The following TENM3 variants were observed in gnomAD, a reference collection of about 807,000 sequenced individuals.
The protein encoded by TENM3 is teneurin-3.
In TENM3, 63 loss-of-function variants were observed where a neutral mutation model predicts 255.1. The observed-to-expected ratio is 0.25, with a 90% CI of 0.20 to 0.30. The LOEUF is 0.30. Among genes scored for constraint, TENM3 ranks in the 10% least tolerant of loss-of-function variants. The pLI, the probability that TENM3 is intolerant of heterozygous loss-of-function variation, is 1.00. For synonymous variants in TENM3, 1,306 were observed against 1,322.3 expected (o/e 0.99, Z 0.27); for missense variants, 2,929 against 3,461.1 (o/e 0.85, Z 3.86).
At chr4:182,151,879 G>A (rs1024646215) in intron 1 of TENM3, among the ~76,000 whole-genome samples, 1 of 151,938 alleles carries the variant, frequency 6.6e-6, no homozygotes, top group African/African-American at 2.4e-5. Context: ...TTATAGATAT[G>A]TGATGAACTA....
the TENM3 span, among the ~76,000 whole-genome samples, chr4:181,932,311 C>A: frequency 6.6e-6 from 1 of 152,176 alleles, no homozygotes; most frequent in South Asian, 2.1e-4. Flanking sequence ...GAAACTTAAA[C>A]AATTTTACAA....
intron 2 of TENM3, among the ~76,000 whole-genome samples, chr4:182,326,268 G>A (rs1218382411): frequency 2.0e-5 from 3 of 152,178 alleles, no homozygotes; most frequent in Non-Finnish European, 4.4e-5. Flanking sequence ...ACTGCGTGCT[G>A]GTCAGTGCGC....
At chr4:181,689,882 T>A in the TENM3 span, among the ~76,000 whole-genome samples, 1 of 152,112 alleles carries the variant, frequency 6.6e-6, no homozygotes, top group Non-Finnish European at 1.5e-5. Flanking sequence ...GTTGACTGCT[T>A]ACATGGACAA....
At chr4:182,607,610 T>C (rs577369129) in intron 4 of TENM3, among the ~76,000 whole-genome samples, 1 of 152,294 alleles carries the variant, frequency 6.6e-6, no homozygotes, top group African/African-American at 2.4e-5. Context: ...ATTGAACGCT[T>C]TAGAGTCTTT....
intron 3 of TENM3, among the ~76,000 whole-genome samples, chr4:182,509,712 C>T (rs892612267): frequency 3.3e-5 from 5 of 152,072 alleles, no homozygotes; most frequent in African/African-American, 4.8e-5. Context: ...CCAAGACAGG[C>T]GGATCACCTG....
At chr4:182,017,740 T>C in the TENM3 span, among the ~76,000 whole-genome samples, 3 of 152,224 alleles carry the variant, frequency 2.0e-5, no homozygotes, top group Admixed American at 6.5e-5. Context: ...GATAAAATCC[T>C]ATAAATTGTC....
chr4:181,965,280 A>G, the TENM3 span, among the ~76,000 whole-genome samples: 1 of 152,204 alleles, frequency 6.6e-6, no homozygotes, highest in African/African-American at 2.4e-5. Context: ...TCTCCCTATG[A>G]AAAGAAAGCC....
chr4:181,526,380 C>T, the TENM3 span, among the ~76,000 whole-genome samples: 2 of 152,040 alleles, frequency 1.3e-5, no homozygotes, highest in Non-Finnish European at 2.9e-5. Flanking sequence ...ATTTGACAAG[C>T]AAAGCAGTGT....
At chr4:182,133,452 C>A in the TENM3 span, among the ~76,000 whole-genome samples, 1 of 152,112 alleles carries the variant, frequency 6.6e-6, no homozygotes, top group Non-Finnish European at 1.5e-5. Flanking sequence ...TTCCATTTCA[C>A]AAGAGCATTC....
At chr4:181,613,502 C>T in the TENM3 span, among the ~76,000 whole-genome samples, 2 of 152,152 alleles carry the variant, frequency 1.3e-5, no homozygotes, top group Non-Finnish European at 2.9e-5. Flanking sequence ...CCTCAGCTCT[C>T]CTAACGCAGA....
chr4:182,259,130 CAG>C (rs1758622738), intron 1 of TENM3, among the ~76,000 whole-genome samples: 1 of 152,154 alleles, frequency 6.6e-6, no homozygotes, highest in East Asian at 1.9e-4. Context: ...AGGTAGGTAA[CAG>C]AGTGGAGAGC....
At chr4:181,458,040 A>C in the TENM3 span, among the ~76,000 whole-genome samples, 1 of 151,930 alleles carries the variant, frequency 6.6e-6, no homozygotes, top group Non-Finnish European at 1.5e-5. Flanking sequence ...TAAAAGAACT[A>C]GTGGAGTTCA....
the TENM3 span, among the ~76,000 whole-genome samples, chr4:181,557,935 T>G: frequency 1.3e-5 from 2 of 152,240 alleles, no homozygotes; most frequent in African/African-American, 4.8e-5. Context: ...GAAGGAACTT[T>G]CAGGTCTATC....
At chr4:182,202,982 G>A (rs1457841318) in intron 1 of TENM3, among the ~76,000 whole-genome samples, 2 of 152,114 alleles carry the variant, frequency 1.3e-5, no homozygotes, top group East Asian at 3.9e-4. Flanking sequence ...TTGGGAGGCC[G>A]GGGCGGGTGG....
chr4:181,497,316 C>T, the TENM3 span, among the ~76,000 whole-genome samples: 2 of 152,252 alleles, frequency 1.3e-5, no homozygotes, highest in Admixed American at 1.3e-4. Flanking sequence ...CTACCTATCC[C>T]ACACTATTTA....
the TENM3 span, among the ~76,000 whole-genome samples, chr4:182,118,754 G>T: frequency 5.8e-4 from 89 of 152,228 alleles, no homozygotes; most frequent in African/African-American, 1.5e-3. Context: ...CAATGTGATG[G>T]ATTACATTAA....
At chr4:181,605,563 AAAGAAAGAGAGAGAAAGAAAG>A in the TENM3 span, among the ~76,000 whole-genome samples, 1 of 30,446 alleles carries the variant, frequency 3.3e-5, no homozygotes, top group Non-Finnish European at 1.0e-4. Flanking sequence ...AGAAAGAAAG[AAAGAAAGAGAGAGAAAGAAAG>A]GAAAGAAAGA....
the TENM3 span, among the ~76,000 whole-genome samples, chr4:181,619,494 T>C: frequency 1.3e-5 from 2 of 152,180 alleles, no homozygotes; most frequent in African/African-American, 4.8e-5. Context: ...CGATCATTGC[T>C]CACTGCAGCC....
Position 182,756,470 on chromosome 4 carries a change from C to A in TENM3, c.4892+1211C>A, listed in dbSNP as rs932675576. ...TGCTTGTTCACTTGACTCGGTTGTA[C>A]AAGCCATGAGGGGAAATGAGATATG... On this transcript the variant is annotated intron_variant, in intron 22 of 27. Coordinates refer to ENST00000511685, the MANE Select transcript of TENM3 (RefSeq NM_001080477.4). Among the ~76,000 whole-genome samples the A allele has an allele frequency of 3.9e-5, 6 of 152,250 alleles. No individual in the cohort carries two copies. The East Asian group carries it at 1.2e-3, about 29-fold the overall frequency.
Sources: allele counts gnomAD v4.1 joint callset (sites outside exome capture counted in the v4.1 genomes callset), GRCh38; gene constraint gnomAD v4.1.1; transcripts MANE v1.5; gene names NCBI Gene and HGNC (gene_info 2026-07-23, HGNC 2026-07-21).